CD164L2: variants seen among roughly 807,000 people sequenced by gnomAD.
CD164L2 encodes CD164 molecule like 2.
Under a neutral mutation model 23.9 loss-of-function variants are expected in CD164L2, and 21 were observed. The observed-to-expected ratio is 0.88, with a 90% confidence interval of 0.62 to 1.27. The LOEUF is 1.27. Among genes scored for constraint, CD164L2 ranks in the 50% most tolerant of loss-of-function variants. The probability of loss-of-function intolerance (pLI) is 0.00; values close to 1 mark genes in which losing one functional copy is unlikely to be tolerated. For synonymous variants in CD164L2, 92 were observed against 90.2 expected, an observed-to-expected ratio of 1.02 and a Z score of -0.11; for missense variants, 230 against 224.8, an observed-to-expected ratio of 1.02 and a Z score of -0.15.
In CD164L2 at chr1:27,382,405, G is replaced by C. The variant is rs779916718; in HGVS notation, c.257-6C>G. 6.2e-7 allele frequency: 1 copy of C among 1,602,060 alleles called. No individual in the cohort carries two copies. The highest frequency in any genetic ancestry group is 8.5e-7 in the Non-Finnish European group (1 of 1,171,330). On this transcript the variant is annotated splice_polypyrimidine_tract_variant and splice_region_variant and intron_variant, in intron 2 of 5. Transcript: ENST00000374030. ...AGATTGGGCCACACAGTGTCCTGGT[G>C]AGAGAAGGTGCAGGGGGGAGGTTTG...
chr1:27,380,134 A>C lies in CD164L2; in HGVS notation c.435T>G (p.Gly145=). The part of the protein sequence containing the change: ...PGFDGASFIG[G]VVLVLSLQAV... ...CCTGTAGGCTCAACACCAGCACGAC[A>C]CCTCCGATAAAGCTGGCCCCGTCAA... The change falls in exon 5 of 6, where the codon GGT becomes GGG. Residue 145 remains glycine (G), a synonymous_variant. Transcript: ENST00000374030. 1 of 1,613,926 alleles carries C rather than the reference A, an allele frequency of 6.2e-7. No individual in the cohort carries two copies. Among genetic ancestry groups the C allele is most frequent in the Non-Finnish European group, 8.5e-7 (1 of 1,179,972 alleles).
chr1:27,381,875 C>T (rs1036410820), intron 3 of CD164L2, 51 bp from the exon 4 acceptor site: 1 of 1,607,780 alleles, frequency 6.2e-7, no homozygotes, highest in Non-Finnish European at 8.5e-7. Flanking sequence ...CCCCTGACTC[C>T]CATCAAGACC....
rs766830631 is a variant in CD164L2, at chr1:27,381,797, G to A, written c.356C>T (p.Pro119Leu). ...PAAHHHPTYE[P>L]KTVTTGSPPV... is the part of the protein sequence containing the mutation. ...GTACTCACCTGTTGTGACTGTCTTC[G>A]GTTCATAGGTGGGGTGGTGGTGAGC... Residue 119 changes from proline (P) to leucine (L), a missense_variant, in exon 4 of 6, where the codon CCG becomes CTG. Physicochemically the swap from Pro to Leu is moderately conservative, Grantham distance 98. Coordinates refer to ENST00000374030, the MANE Select transcript of CD164L2 (RefSeq NM_001330448.1). 58 of 1,613,840 alleles carry A rather than the reference G, an allele frequency of 3.6e-5. No homozygotes were observed. Among genetic ancestry groups the A allele is most frequent in the Admixed American group, 1.3e-4 (8 of 59,982 alleles).
At chr1:27,382,960 C>T (rs1347079188) in intron 1 of CD164L2, among the ~76,000 whole-genome samples, 192 bp downstream of exon 1, 2 of 152,058 alleles carry the variant, frequency 1.3e-5, no homozygotes, top group Non-Finnish European at 2.9e-5. Context: ...CCTAGGCCCC[C>T]ACACCTGGGG....
In CD164L2 at chr1:27,382,682, G is replaced by A; in HGVS notation, c.89-15C>T. 2 of 1,600,312 alleles carry A rather than the reference G, an allele frequency of 1.2e-6. No homozygotes were observed. The highest frequency in any genetic ancestry group is 1.7e-6 in the Non-Finnish European group (2 of 1,173,086). ...AGCTCCTTTACCTGGTAGTGCGGTG[G>A]AGTGGGAAGGGAGAATTCCTCGAAG... On this transcript the variant is annotated splice_polypyrimidine_tract_variant and intron_variant, in intron 1 of 5. Transcript: ENST00000374030.
chr1:27,379,724 A>G, intron 5 of CD164L2: 1 of 1,449,468 alleles, frequency 6.9e-7, no homozygotes, highest in Admixed American at 2.7e-5. Context: ...TCCTGCCCAC[A>G]GCCACAGAAA....
Position 27,382,769 on chromosome 1 carries a change from C to G in CD164L2, c.89-102G>C, listed in dbSNP as rs1477890516. 5 of 1,257,160 alleles carry G rather than the reference C, an allele frequency of 4.0e-6. No homozygotes were observed. The East Asian group carries it at 1.0e-4, about 26-fold the overall frequency. The allele number at this position is 1,257,160 out of a possible 1,614,324, so 77.9% of individuals were successfully genotyped here. On this transcript the variant is annotated intron_variant, in intron 1 of 5. Transcript: ENST00000374030. ...CTCCGGTGGCCCTCGCCCCTCTGCA[C>G]ACATCTGGGCTCTCACACTCACCCC...
chr1:27,382,568 C>T lies in CD164L2; in HGVS notation c.188G>A (p.Cys63Tyr). The T allele has an allele frequency of 6.2e-7, 1 of 1,613,706 alleles. No homozygotes were observed. Among genetic ancestry groups the T allele is most frequent in the Non-Finnish European group, 8.5e-7 (1 of 1,179,952 alleles). Residue 63 changes from cysteine to tyrosine, a missense_variant, in exon 2 of 6, where the codon TGC (cysteine) becomes TAC (tyrosine). Physicochemically the swap from Cys to Tyr is radical, Grantham distance 194. Coordinates refer to ENST00000374030, the MANE Select transcript of CD164L2 (RefSeq NM_001330448.1). ...ACKQLEVCEH[C>Y]VEGDGARNLS... is the part of the protein sequence containing the mutation. ...ATTGCGCGCTCCGTCTCCCTCCACG[C>T]AGTGCTCACAGACCTCCAGCTGTTT...
intron 5 of CD164L2, 149 bp from the exon 6 acceptor site, chr1:27,379,658 G>A: frequency 6.6e-7 from 1 of 1,514,898 alleles, no homozygotes; most frequent in Non-Finnish European, 8.9e-7. Context: ...CACACAGAGG[G>A]CCTCAGGCAC....
rs1418582914 is a variant in CD164L2 at position 27,382,411 on chromosome 1, A to C, written c.257-12T>G. On this transcript the variant is annotated splice_polypyrimidine_tract_variant and intron_variant, in intron 2 of 5. Transcript: ENST00000374030. ...GGCCACACAGTGTCCTGGTGAGAGA[A>C]GGTGCAGGGGGGAGGTTTGGGGAGA... 3.8e-6 allele frequency: 6 copies of C among 1,596,450 alleles called. No homozygotes were observed. The highest frequency in any genetic ancestry group is 5.1e-6 in the Non-Finnish European group (6 of 1,167,662).
In CD164L2 at chr1:27,380,215, C is replaced by A. The variant is rs1432870170; in HGVS notation, c.374-20G>T. 7 of 1,608,668 alleles carry A rather than the reference C, an allele frequency of 4.4e-6. No individual in the cohort carries two copies. The highest frequency in any genetic ancestry group is 6.0e-6 in the Non-Finnish European group (7 of 1,176,028). Reference sequence around the variant, plus strand: ...GGCTCCCTGCAGGGGTGAGGCAGGGCAGGGGTCATAGCAGTCACTGTGAAC... The same window carrying A: ...GGCTCCCTGCAGGGGTGAGGCAGGGAAGGGGTCATAGCAGTCACTGTGAAC... On this transcript the variant is annotated intron_variant, in intron 4 of 5. Transcript: ENST00000374030.
Position 27,380,068 on chromosome 1 carries a change from G to A in CD164L2, c.501C>T (p.Asp167=). The change falls in exon 5 of 6, where the codon GAC becomes GAT. Residue 167 remains aspartate, a synonymous_variant. Transcript: ENST00000374030. The part of the protein sequence containing the change: ...FFVLHFLKAK[D]STYQTLI The stretch of plus-strand genomic sequence containing the variant: ...GTACTCACAGCGTCTGGTAGGTGCT[G>A]TCCTTGGCCTTGAGGAAGTGCAGCA... 6.2e-7 allele frequency: 1 copy of A among 1,614,140 alleles called. No homozygotes were observed. Among genetic ancestry groups the A allele is most frequent in the Non-Finnish European group, 8.5e-7 (1 of 1,179,994 alleles).
At chr1:27,383,075 C>T (rs2016371805) in intron 1 of CD164L2, 77 bp downstream of exon 1, 3 of 1,283,562 alleles carry the variant, frequency 2.3e-6, no homozygotes, top group Admixed American at 4.1e-5. Flanking sequence ...CCAGGCTGCT[C>T]CTGGGGAGAC....
chr1:27,379,630 G>A (rs748097312), intron 5 of CD164L2, 121 bp from the exon 6 acceptor site: 71 of 1,540,462 alleles, frequency 4.6e-5, no homozygotes, highest in Non-Finnish European at 6.1e-5. Context: ...GTGGCGACCC[G>A]CCCCACAGCA....
At chr1:27,382,843 T>C (rs1283781722) in intron 1 of CD164L2, among the ~76,000 whole-genome samples, 176 bp from the exon 2 acceptor site, 1 of 151,546 alleles carries the variant, frequency 6.6e-6, no homozygotes, top group Non-Finnish European at 1.5e-5. Flanking sequence ...AGCAGAGGTC[T>C]ACACACACCT....
intron 4 of CD164L2, among the ~76,000 whole-genome samples, chr1:27,380,847 G>A (rs958172365): frequency 6.6e-6 from 1 of 152,236 alleles, no homozygotes; most frequent in Non-Finnish European, 1.5e-5. Context: ...ACTCACACAG[G>A]GTCCCCTGAC....
chr1:27,382,710 A>G, intron 1 of CD164L2, 43 bp from the exon 2 acceptor site: 1 of 1,540,804 alleles, frequency 6.5e-7, no homozygotes, highest in Non-Finnish European at 8.8e-7. Flanking sequence ...CCTCGAAGCC[A>G]AGCTGTGGCA....
At chr1:27,379,786 G>A in intron 5 of CD164L2, 1 of 1,434,658 alleles carries the variant, frequency 7.0e-7, no homozygotes, top group South Asian at 1.5e-5. Flanking sequence ...CTTCCCTGCT[G>A]GCAGCATGAA....
Position 27,379,295 on chromosome 1 carries a change from T to TTGAG in CD164L2, c.*204_*207dup. 1 of 605,328 alleles carries TTGAG rather than the reference T, an allele frequency of 1.7e-6. No homozygotes were observed. The highest frequency in any genetic ancestry group is 3.0e-6 in the Non-Finnish European group (1 of 332,728). 37.5% of individuals were successfully genotyped at this position (605,328 alleles called of 1,614,324 possible). A position where few individuals can be genotyped will look rare whatever the true frequency, so the allele number is the denominator to read the frequency against. On this transcript the variant is annotated 3_prime_UTR_variant, in exon 6 of 6. Transcript: ENST00000374030. ...AGGGGCGATGGAGGAGACGAGGTGG[T>TTGAG]TGAGGGATTTTCTCAGCTGCAGGTT... is the stretch of plus-strand genomic sequence containing the variant.
Sources: gnomAD v4.1 joint callset for allele counts (sites outside exome capture counted in the v4.1 genomes callset) on GRCh38, gnomAD v4.1.1 for gene constraint, MANE v1.5 for transcripts, NCBI Gene and HGNC (gene_info 2026-07-23, HGNC 2026-07-21) for gene names.